The following MGAT4C variants were observed in gnomAD, a reference collection of about 807,000 sequenced individuals.
MGAT4C encodes alpha-1,3-mannosyl-glycoprotein 4-beta-N-acetylglucosaminyltransferase C.
Under a neutral mutation model 40.1 loss-of-function variants are expected in MGAT4C, and 19 were observed. That is an observed-to-expected ratio of 0.47 (90% confidence interval 0.33 to 0.70). The LOEUF is 0.70. Among genes scored for constraint, MGAT4C ranks in the 30% least tolerant of loss-of-function variants. MGAT4C has a pLI of 0.02. For synonymous variants in MGAT4C, 181 were observed against 187.1 expected, an observed-to-expected ratio of 0.97 and a Z score of 0.27; for missense variants, 491 against 563.2, an observed-to-expected ratio of 0.87 and a Z score of 1.30.
At chr12:86,479,115 A>G (rs1027274347) in intron 2 of MGAT4C, among the ~76,000 whole-genome samples, 3 of 152,036 alleles carry the variant, frequency 2.0e-5, no homozygotes, top group African/African-American at 7.2e-5. Context: ...TAGACTTTCT[A>G]AACTATGAAA....
At chr12:86,806,449 T>TGTGAGAGA (rs5799800) in intron 1 of MGAT4C, among the ~76,000 whole-genome samples, 9 of 149,952 alleles carry the variant, frequency 6.0e-5, no homozygotes, top group Admixed American at 6.7e-5. Flanking sequence ...TGTGTGTGTG[T>TGTGAGAGA]GAGAGAGAGA....
chr12:86,822,445 T>A (rs1210303825), intron 1 of MGAT4C, among the ~76,000 whole-genome samples: 1 of 151,026 alleles, frequency 6.6e-6, no homozygotes, highest in African/African-American at 2.4e-5. Flanking sequence ...AAATGCTGTC[T>A]ACAAAAATCT....
intron 2 of MGAT4C, among the ~76,000 whole-genome samples, chr12:86,503,496 T>C (rs1187702049): frequency 1.2e-4 from 1 of 8,380 alleles, no homozygotes; most frequent in Non-Finnish European, 1.7e-4. Context: ...TGAGTTCTGC[T>C]CATATATATA....
chr12:86,367,740 A>T (rs1046466173), intron 3 of MGAT4C, among the ~76,000 whole-genome samples: 1 of 152,032 alleles, frequency 6.6e-6, no homozygotes, highest in African/African-American at 2.4e-5. Flanking sequence ...CAGAGCTTGC[A>T]GTGAAGCCAA....
chr12:86,500,463 C>T (rs1393866343), intron 2 of MGAT4C, among the ~76,000 whole-genome samples: 2 of 151,056 alleles, frequency 1.3e-5, no homozygotes, highest in Non-Finnish European at 3.0e-5. Flanking sequence ...AAAAATTATG[C>T]CAATAATTTA....
At chr12:86,133,358 T>A (rs565695555) in intron 1 of MGAT4C, among the ~76,000 whole-genome samples, 1 of 152,234 alleles carries the variant, frequency 6.6e-6, no homozygotes, top group Non-Finnish European at 1.5e-5. Flanking sequence ...AGTATCCTTA[T>A]TTGTAAATGA....
At chr12:86,601,429 G>T in intron 2 of MGAT4C, 1 of 152,364 alleles carries the variant, frequency 6.6e-6, no homozygotes, top group Non-Finnish European at 1.5e-5. Flanking sequence ...TCCATCCTGA[G>T]CCCCATAAAA....
At chr12:86,660,675 G>A (rs1047448212) in intron 2 of MGAT4C, among the ~76,000 whole-genome samples, 13 of 152,116 alleles carry the variant, frequency 8.5e-5, no homozygotes, top group Admixed American at 5.9e-4. Context: ...TACCCTAGAG[G>A]ACACTAATAT....
intron 3 of MGAT4C, among the ~76,000 whole-genome samples, chr12:86,367,227 G>A (rs576933027): frequency 6.6e-6 from 1 of 151,990 alleles, no homozygotes; most frequent in Non-Finnish European, 1.5e-5. Flanking sequence ...AAGATAGCTT[G>A]AGCACAAAAG....
At chr12:86,834,238 A>G (rs1474452551) in intron 1 of MGAT4C, among the ~76,000 whole-genome samples, 2 of 151,810 alleles carry the variant, frequency 1.3e-5, no homozygotes, top group African/African-American at 4.8e-5. Context: ...AGATAGGTAG[A>G]TAGATAATTT....
At chr12:86,192,969 G>C (rs1566121579) in intron 1 of MGAT4C, among the ~76,000 whole-genome samples, 2 of 151,906 alleles carry the variant, frequency 1.3e-5, no homozygotes, top group African/African-American at 4.8e-5. Context: ...CTTTCTTGGG[G>C]TTGTGCAGCT....
chr12:86,390,685 T>C (rs1273718467), intron 3 of MGAT4C, among the ~76,000 whole-genome samples: 1 of 152,124 alleles, frequency 6.6e-6, no homozygotes, highest in Non-Finnish European at 1.5e-5. Context: ...TAAAGACTTT[T>C]GAAAAAAATC....
chr12:86,714,656 A>AC (rs1950613309), intron 2 of MGAT4C, among the ~76,000 whole-genome samples: 3 of 152,040 alleles, frequency 2.0e-5, no homozygotes, highest in Non-Finnish European at 4.4e-5. Context: ...GCCATGCAGA[A>AC]CTGTGAGTCC....
chr12:86,588,242 G>C (rs911619065), intron 2 of MGAT4C, among the ~76,000 whole-genome samples: 49 of 151,962 alleles, frequency 3.2e-4, no homozygotes, highest in African/African-American at 1.2e-3. Context: ...AAAAAGGCAG[G>C]ATTTGCAATC....
chr12:86,796,456 G>A (rs1240059015), intron 1 of MGAT4C, among the ~76,000 whole-genome samples: 1 of 151,966 alleles, frequency 6.6e-6, no homozygotes, highest in Non-Finnish European at 1.5e-5. Flanking sequence ...AGTGAAATAA[G>A]CCAGAAATGG....
At chr12:86,173,369 C>G (rs965854800) in intron 1 of MGAT4C, among the ~76,000 whole-genome samples, 3 of 151,944 alleles carry the variant, frequency 2.0e-5, no homozygotes, top group Non-Finnish European at 4.4e-5. Flanking sequence ...TTTAGAAATG[C>G]TGATTTGAAT....
chr12:86,354,953 G>A (rs555626455), intron 3 of MGAT4C, among the ~76,000 whole-genome samples: 1 of 152,290 alleles, frequency 6.6e-6, no homozygotes, highest in South Asian at 2.1e-4. Context: ...ACCCAAGGGG[G>A]GTGCCACTGC....
chr12:86,187,725 A>G (rs1888927217), intron 1 of MGAT4C, among the ~76,000 whole-genome samples: 1 of 142,362 alleles, frequency 7.0e-6, no homozygotes, highest in Non-Finnish European at 1.5e-5. Flanking sequence ...GCTGTTAGGC[A>G]TTGTGTCTTC....
At chr12:86,588,120 C>G (rs1961147920) in intron 2 of MGAT4C, among the ~76,000 whole-genome samples, 1 of 151,460 alleles carries the variant, frequency 6.6e-6, no homozygotes, top group Non-Finnish European at 1.5e-5. Context: ...TGAGATACGT[C>G]CCATCAATAC....
Sources: gnomAD v4.1 joint callset for allele counts (sites outside exome capture counted in the v4.1 genomes callset) on GRCh38, gnomAD v4.1.1 for gene constraint, MANE v1.5 for transcripts, NCBI Gene and HGNC (gene_info 2026-07-23, HGNC 2026-07-21) for gene names.